Variants in PACSIN1 observed in about 807,000 individuals in gnomAD.
The protein encoded by PACSIN1 is protein kinase C and casein kinase substrate in neurons protein 1.
In PACSIN1, 15 loss-of-function variants were observed where a neutral mutation model predicts 59.5. That is an observed-to-expected ratio of 0.25 (90% confidence interval 0.17 to 0.39). The LOEUF (loss-of-function observed/expected upper bound fraction) is 0.39. PACSIN1 is among the 10% of genes least tolerant of loss of function. The pLI is 1.00. For synonymous variants in PACSIN1, 210 were observed against 220.6 expected (o/e 0.95, Z 0.42); for missense variants, 420 against 580.2 (o/e 0.72, Z 2.84).
chr6:34,484,193 A>T (rs529616541), intron 1 of PACSIN1, among the ~76,000 whole-genome samples: 1 of 152,378 alleles, frequency 6.6e-6, no homozygotes, highest in East Asian at 1.9e-4. Flanking sequence ...ATTTAGAAGC[A>T]ATCAAGATGT....
chr6:34,496,376 G>T (rs1219942040), intron 1 of PACSIN1, among the ~76,000 whole-genome samples: 1 of 151,874 alleles, frequency 6.6e-6, no homozygotes, highest in Non-Finnish European at 1.5e-5. Flanking sequence ...TGGGCTGCAG[G>T]CCCAGGCTGA....
intron 1 of PACSIN1, among the ~76,000 whole-genome samples, chr6:34,486,109 G>A (rs1380899758): frequency 2.6e-5 from 4 of 152,142 alleles, no homozygotes; most frequent in African/African-American, 9.6e-5. Flanking sequence ...TCAGGAGAGG[G>A]GAGAGCACAT....
At position 34,524,289 on chromosome 6, in the gene PACSIN1, C is replaced by A. The variant is rs944020172; in HGVS notation, c.-63-1954C>A. Among the ~76,000 whole-genome samples, 5 of 152,270 alleles carry A rather than the reference C, an allele frequency of 3.3e-5. No individual in the cohort carries two copies. The South Asian group carries it at 6.2e-4, about 19-fold the overall frequency. The stretch of plus-strand genomic sequence containing the variant: ...GCACACTCCATCCTGGTTTCCAGCT[C>A]CCTCAGCTCTCCCCCAGCACAGGCC... On this transcript the variant is annotated intron_variant, in intron 1 of 9. Transcript: ENST00000244458.
At chr6:34,523,977 C>T (rs1767441344) in intron 1 of PACSIN1, among the ~76,000 whole-genome samples, 1 of 152,214 alleles carries the variant, frequency 6.6e-6, no homozygotes, top group African/African-American at 2.4e-5. Context: ...TCATTTCGTC[C>T]TCATTTCCCA....
chr6:34,520,880 C>T (rs1017580076), intron 1 of PACSIN1, among the ~76,000 whole-genome samples: 4 of 152,036 alleles, frequency 2.6e-5, no homozygotes, highest in Non-Finnish European at 5.9e-5. Context: ...GCTCCTGGCT[C>T]CTGGTTCTGG....
chr6:34,530,471 A>G lies in PACSIN1; in HGVS notation c.921A>G (p.Pro307=). 27 of 1,602,846 alleles carry G rather than the reference A, an allele frequency of 1.7e-5. No individual in the cohort carries two copies. Among genetic ancestry groups the G allele is most frequent in the Non-Finnish European group, 2.2e-5 (26 of 1,174,466 alleles). The change falls in exon 8 of 10, where the codon CCA becomes CCG. Residue 307 remains proline (P), a synonymous_variant. Coordinates refer to ENST00000244458, the MANE Select transcript of PACSIN1 (RefSeq NM_020804.5). This position sits in a 1 kb window ranked among gnomAD's most constrained non-coding sequence, Gnocchi z 4.4. ...ACTGGCCCCACCAGGAGTGGAACCC[A>G]GACCTTCCTCACACCACCACCAAGA... The part of the protein sequence containing the change: ...MNWPQFEEWN[P]DLPHTTTKKE...
intron 1 of PACSIN1, among the ~76,000 whole-genome samples, chr6:34,508,919 C>A (rs1767157298): frequency 6.6e-6 from 1 of 152,122 alleles, no homozygotes; most frequent in African/African-American, 2.4e-5. Flanking sequence ...ATCCTAGTCC[C>A]TTGTTAGATA....
intron 1 of PACSIN1, among the ~76,000 whole-genome samples, chr6:34,480,506 A>G (rs1766701753): frequency 6.6e-6 from 1 of 152,130 alleles, no homozygotes; most frequent in Non-Finnish European, 1.5e-5. Context: ...GATTACAGGC[A>G]TGAGCCACTG....
Position 34,516,281 on chromosome 6 carries a change from C to T in PACSIN1, c.-63-9962C>T, listed in dbSNP as rs1032535808. Among the ~76,000 whole-genome samples, 15 of 152,104 alleles carry T rather than the reference C, an allele frequency of 9.9e-5. No individual in the cohort carries two copies. Among genetic ancestry groups the T allele is most frequent in the South Asian group, 6.2e-4 (3 of 4,818 alleles). Reference sequence around the variant, plus strand: ...AGGGGCATACACGCTGAGAAGCTGGCGTGGCTCTGCTCATTTCTGCAAACG... The same window carrying T: ...AGGGGCATACACGCTGAGAAGCTGGTGTGGCTCTGCTCATTTCTGCAAACG... On this transcript the variant is annotated intron_variant, in intron 1 of 9. Coordinates refer to ENST00000244458, the MANE Select transcript of PACSIN1 (RefSeq NM_020804.5). This position sits in a 1 kb window ranked among gnomAD's most constrained non-coding sequence, Gnocchi z 5.4.
At chr6:34,520,253 G>A (rs1403224381) in intron 1 of PACSIN1, among the ~76,000 whole-genome samples, 2 of 152,210 alleles carry the variant, frequency 1.3e-5, no homozygotes, top group Non-Finnish European at 2.9e-5. Context: ...CCCAAGCCAG[G>A]CGCTGTGAGC....
chr6:34,532,158 A>C lies in PACSIN1; in HGVS notation c.1226-263A>C, dbSNP rs140020977. Among the ~76,000 whole-genome samples, 1 of 152,162 alleles carries C rather than the reference A, an allele frequency of 6.6e-6. No homozygotes were observed. The highest frequency in any genetic ancestry group is 2.4e-5 in the African/African-American group (1 of 41,520). The stretch of plus-strand genomic sequence containing the variant: ...CCAGGGGCGGAGTCAGAACCTGAGA[A>C]TAGTGTGGATGCGAGGTCTGGTTTT... On this transcript the variant is annotated intron_variant, in intron 9 of 9. Transcript: ENST00000244458. This position sits in a 1 kb window ranked among gnomAD's most constrained non-coding sequence, Gnocchi z 5.2.
chr6:34,478,285 T>C (rs916956966), intron 1 of PACSIN1, among the ~76,000 whole-genome samples: 1 of 145,576 alleles, frequency 6.9e-6, no homozygotes, highest in East Asian at 2.1e-4. Flanking sequence ...GGTCTTGAAC[T>C]CTTGACCTAG....
At chr6:34,502,841 A>T (rs1342596812) in intron 1 of PACSIN1, among the ~76,000 whole-genome samples, 1 of 152,176 alleles carries the variant, frequency 6.6e-6, no homozygotes, top group East Asian at 1.9e-4. Context: ...GAGCCCAGTC[A>T]ATCCACAGAG....
intron 1 of PACSIN1, among the ~76,000 whole-genome samples, chr6:34,466,643 G>A (rs896231285): frequency 6.6e-6 from 1 of 152,222 alleles, no homozygotes; most frequent in Non-Finnish European, 1.5e-5. Context: ...TGCCAGCTTG[G>A]TGCATAGGCT....
At chr6:34,474,992 G>A (rs530791348) in intron 1 of PACSIN1, among the ~76,000 whole-genome samples, 1 of 152,018 alleles carries the variant, frequency 6.6e-6, no homozygotes, top group East Asian at 1.9e-4. Flanking sequence ...GGCCTACATG[G>A]CTCATGATGT....
rs988203446 is a variant in PACSIN1 at position 34,514,676 on chromosome 6, A to G, written c.-63-11567A>G. ...CAGCGTCTCTGTGGCCGTGAAGTGT[A>G]TGCATGCGTGCCCATGTTGATGCGG... On this transcript the variant is annotated intron_variant, in intron 1 of 9. Transcript: ENST00000244458. This position sits in a 1 kb window ranked among gnomAD's most constrained non-coding sequence, Gnocchi z 4.4. Among the ~76,000 whole-genome samples the G allele has an allele frequency of 6.6e-6, 1 of 152,108 alleles. No individual in the cohort carries two copies. The highest frequency in any genetic ancestry group is 1.5e-5 in the Non-Finnish European group (1 of 68,020).
rs1767611100 is a variant in PACSIN1 at position 34,532,274 on chromosome 6, T to G, written c.1226-147T>G. On this transcript the variant is annotated intron_variant, in intron 9 of 9. Transcript: ENST00000244458. The surrounding 1 kb of genome is among the most constrained non-coding windows in gnomAD (Gnocchi z 5.2). ...TGGCACGTGAATGTTGGCGTGGGAC[T>G]GGGGCTGGTTTCCAGGGGCGGGGCC... 3 of 618,810 alleles carry G rather than the reference T, an allele frequency of 4.8e-6. No homozygotes were observed. The highest frequency in any genetic ancestry group is 8.8e-6 in the Non-Finnish European group (3 of 341,574). 38.3% of individuals were successfully genotyped at this position (618,810 alleles called of 1,614,324 possible).
intron 1 of PACSIN1, among the ~76,000 whole-genome samples, chr6:34,519,117 G>A (rs1398729279): frequency 6.6e-6 from 1 of 152,128 alleles, no homozygotes; most frequent in East Asian, 1.9e-4. Context: ...GGGAGGAGGA[G>A]GGGCCAGCCA....
rs565220590 is a variant in PACSIN1 at position 34,491,725 on chromosome 6, C to T, written c.-64+25455C>T. On this transcript the variant is annotated intron_variant, in intron 1 of 9. Transcript: ENST00000244458. ...CTCCTGGATTCAAGTGATTCTCCTG[C>T]CTCAGCTTCCCGAATAGCTGGGATT... Among the ~76,000 whole-genome samples the T allele has an allele frequency of 7.2e-5, 11 of 152,046 alleles. No homozygotes were observed. The East Asian group carries it at 2.1e-3, about 29-fold the overall frequency.
Sources: allele counts gnomAD v4.1 joint callset (sites outside exome capture counted in the v4.1 genomes callset), GRCh38; gene constraint gnomAD v4.1.1; non-coding constraint Gnocchi (gnomAD v3.1); transcripts MANE v1.5; gene names NCBI Gene and HGNC (gene_info 2026-07-23, HGNC 2026-07-21).